CENPF: variants seen among roughly 807,000 people sequenced by gnomAD.
CENPF encodes AH antigen.
CENPF carries 214 observed loss-of-function variants against 307.3 expected under a neutral mutation model. The observed-to-expected ratio is 0.70, with a 90% CI of 0.62 to 0.78. CENPF has a LOEUF of 0.78. Ranked by LOEUF, CENPF falls within the 30% of genes least tolerant of loss-of-function variation. The pLI, the probability that CENPF is intolerant of heterozygous loss-of-function variation, is 0.00. For synonymous variants in CENPF, 1,259 were observed against 1,270.6 expected, an observed-to-expected ratio of 0.99 and a Z score of 0.19; for missense variants, 3,401 against 3,483.9, an observed-to-expected ratio of 0.98 and a Z score of 0.60.
At position 214,646,014 on chromosome 1, in the gene CENPF, G is replaced by C. The variant is rs915179724; in HGVS notation, c.6444G>C (p.Glu2148Asp). 1 of 1,614,070 alleles carries C rather than the reference G, an allele frequency of 6.2e-7. No homozygotes were observed. Among genetic ancestry groups the C allele is most frequent in the African/African-American group, 1.3e-5 (1 of 75,050 alleles). The stretch of plus-strand genomic sequence containing the variant: ...AGAAACTGAAAGAACGCGAGCGGGA[G>C]AATGATTCACTTAAGGATAAAGTTG... ...IAEKLKERER[E>D]NDSLKDKVEN... Residue 2148 changes from glutamate (E) to aspartate (D), a missense_variant, in exon 13 of 20, where the codon GAG (glutamate) becomes GAC (aspartate). Glu to Asp is a conservative substitution (Grantham distance 45, BLOSUM62 2). Coordinates refer to ENST00000366955, the MANE Select transcript of CENPF (RefSeq NM_016343.4).
Position 214,642,109 on chromosome 1 carries a change from A to C in CENPF, c.3771A>C (p.Glu1257Asp). The change falls in exon 12 of 20, where the codon GAA becomes GAC. Residue 1257 changes from glutamate to aspartate, a missense_variant. Glu to Asp is a conservative substitution (Grantham distance 45, BLOSUM62 2). Coordinates refer to ENST00000366955, the MANE Select transcript of CENPF (RefSeq NM_016343.4). ...TSNLQDMQSQ[E>D]ISGLKDCEID... ...ATTTGCAAGACATGCAGTCACAAGA[A>C]ATTAGTGGCCTTAAAGACTGTGAAA... 6.2e-7 allele frequency: 1 copy of C among 1,612,484 alleles called. No individual in the cohort carries two copies. Among genetic ancestry groups the C allele is most frequent in the East Asian group, 2.2e-5 (1 of 44,870 alleles).
At chr1:214,620,988 G>A in intron 6 of CENPF, 42 bp downstream of exon 6, 1 of 1,540,356 alleles carries the variant, frequency 6.5e-7, no homozygotes, top group Non-Finnish European at 8.8e-7. Flanking sequence ...CTTTGCTTGA[G>A]GTAATTTCAC....
chr1:214,608,752 G>A, intron 1 of CENPF: 26 of 1,599,392 alleles, frequency 1.6e-5, no homozygotes, highest in Non-Finnish European at 2.1e-5. Context: ...GGCCTCCGGC[G>A]GCAGGAAGGC....
chr1:214,606,467 C>T (rs867801810), intron 1 of CENPF, among the ~76,000 whole-genome samples: 4 of 152,308 alleles, frequency 2.6e-5, no homozygotes, highest in East Asian at 3.9e-4. Flanking sequence ...CCTTCCTGCC[C>T]GGGTTAGAAA....
intron 19 of CENPF, among the ~76,000 whole-genome samples, chr1:214,663,299 A>G (rs1357432905): frequency 6.6e-6 from 1 of 152,204 alleles, no homozygotes; most frequent in Admixed American, 6.5e-5. Context: ...CTGGATGTGT[A>G]CCATGTGGTC....
In CENPF at chr1:214,630,698, C is replaced by A. The variant is rs2292379; in HGVS notation, c.1323+36C>A. On this transcript the variant is annotated intron_variant, in intron 9 of 19. Coordinates refer to ENST00000366955, the MANE Select transcript of CENPF (RefSeq NM_016343.4). ...TGTCTCTCTCTCTCTCCTTAATCATCCCCTCTTGTTCCTTGTACTTGTTAC... is the reference window on the plus strand; with the variant it reads ...TGTCTCTCTCTCTCTCCTTAATCATACCCTCTTGTTCCTTGTACTTGTTAC... 77,653 of 1,610,472 alleles carry A rather than the reference C, an allele frequency of 0.048. 2,680 individuals are homozygous for A. The highest frequency in any genetic ancestry group is 0.13 in the Admixed American group (7,755 of 59,762).
chr1:214,628,999 A>G lies in CENPF; in HGVS notation c.1069-47A>G, dbSNP rs911998104. The stretch of plus-strand genomic sequence containing the variant: ...TAAAACACAAAATATTTGTTCATTT[A>G]TGTGAGTAATATTTATTTTGTCTTG... On this transcript the variant is annotated intron_variant, in intron 7 of 19. Coordinates refer to ENST00000366955, the MANE Select transcript of CENPF (RefSeq NM_016343.4). 13 of 1,387,602 alleles carry G rather than the reference A, an allele frequency of 9.4e-6. 1 individual carries two copies. The highest frequency in any genetic ancestry group is 1.3e-5 in the Non-Finnish European group (13 of 1,022,124). 86.0% of individuals were successfully genotyped at this position (1,387,602 alleles called of 1,614,324 possible). A position where few individuals can be genotyped will look rare whatever the true frequency, so the allele number is the denominator to read the frequency against.
intron 7 of CENPF, among the ~76,000 whole-genome samples, chr1:214,623,377 A>G: frequency 6.6e-6 from 1 of 152,202 alleles, no homozygotes; most frequent in African/African-American, 2.4e-5. Context: ...TGCATAGGTT[A>G]TGTGCAAACA....
At position 214,651,905 on chromosome 1, in the gene CENPF, T is replaced by A; in HGVS notation, c.8160+19T>A. On this transcript the variant is annotated intron_variant, in intron 15 of 19. Transcript: ENST00000366955. ...CAAACAGGTGAAATGTGGGGTTTGG[T>A]TACTGGGGGAGCTGGAGAGTGTATT... 6.3e-7 allele frequency: 1 copy of A among 1,579,666 alleles called. No individual in the cohort carries two copies. Among genetic ancestry groups the A allele is most frequent in the Non-Finnish European group, 8.6e-7 (1 of 1,168,262 alleles).
chr1:214,631,147 T>A (rs1657797236), intron 9 of CENPF, among the ~76,000 whole-genome samples: 1 of 152,248 alleles, frequency 6.6e-6, no homozygotes, highest in Admixed American at 6.5e-5. Context: ...AGGCACTTCA[T>A]AGTAACATGC....
chr1:214,627,621 C>G (rs1571705409), intron 7 of CENPF, among the ~76,000 whole-genome samples: 1 of 151,938 alleles, frequency 6.6e-6, no homozygotes, highest in African/African-American at 2.4e-5. Context: ...GGTGATCCGC[C>G]CAACTTGGCC....
intron 18 of CENPF, 99 bp from the exon 19 acceptor site, chr1:214,658,751 A>G (rs1380602628): frequency 8.4e-7 from 1 of 1,185,844 alleles, no homozygotes; most frequent in African/African-American, 1.5e-5. Flanking sequence ...TATTTTTTGG[A>G]GTTTGCATTA....
At chr1:214,615,775 C>A (rs1657319941) in intron 3 of CENPF, among the ~76,000 whole-genome samples, 2 of 152,074 alleles carry the variant, frequency 1.3e-5, no homozygotes, top group African/African-American at 2.4e-5. Flanking sequence ...CCCCTCTCTA[C>A]TAAAAATACA....
chr1:214,636,497 G>T (rs1657970645), intron 10 of CENPF, among the ~76,000 whole-genome samples: 1 of 152,106 alleles, frequency 6.6e-6, no homozygotes, highest in Non-Finnish European at 1.5e-5. Flanking sequence ...ACTACAACAG[G>T]TTCTGTCTTA....
At chr1:214,625,689 A>T (rs922628523) in intron 7 of CENPF, among the ~76,000 whole-genome samples, 4 of 150,892 alleles carry the variant, frequency 2.7e-5, no homozygotes, top group East Asian at 3.9e-4. Flanking sequence ...AACATTTTTT[A>T]AAAATCCATT....
rs780360553 is a variant in CENPF at position 214,646,570 on chromosome 1, C to T, written c.7000C>T (p.Leu2334Phe). Residue 2334 changes from leucine (L) to phenylalanine (F), a missense_variant, in exon 13 of 20, where the codon CTT becomes TTT. Physicochemically the swap from Leu to Phe is conservative, Grantham distance 22. Transcript: ENST00000366955. Reference protein sequence around the residue: ...LKESEHHADLLKGRVENLERE... With the variant: ...LKESEHHADLFKGRVENLERE... ...GGAAAGTGAGCATCATGCAGATTTA[C>T]TTAAGGGTAGAGTGGAGAACCTTGA... 13 of 1,613,952 alleles carry T rather than the reference C, an allele frequency of 8.1e-6. No individual in the cohort carries two copies. The Middle Eastern group carries it at 4.9e-4, about 61-fold the overall frequency.
At chr1:214,644,405 AAGAG>A in intron 12 of CENPF, 148 bp from the exon 13 acceptor site, 1 of 698,548 alleles carries the variant, frequency 1.4e-6, no homozygotes, top group Non-Finnish European at 2.2e-6. Context: ...CATTTGAATG[AAGAG>A]AGAAAGATGT....
At chr1:214,628,869 A>G (rs1003278023) in intron 7 of CENPF, among the ~76,000 whole-genome samples, 177 bp from the exon 8 acceptor site, 12 of 152,108 alleles carry the variant, frequency 7.9e-5, no homozygotes, top group Admixed American at 7.2e-4. Flanking sequence ...CTTTTTTTTC[A>G]TGGCACAAAT....
At chr1:214,612,284 C>A (rs1379690370) in intron 1 of CENPF, among the ~76,000 whole-genome samples, 1 of 152,020 alleles carries the variant, frequency 6.6e-6, no homozygotes, top group South Asian at 2.1e-4. Flanking sequence ...TATTGATTTG[C>A]GTATGTTGAA....
Sources: gnomAD v4.1 joint callset for allele counts (sites outside exome capture counted in the v4.1 genomes callset) on GRCh38, gnomAD v4.1.1 for gene constraint, MANE v1.5 for transcripts, NCBI Gene and HGNC (gene_info 2026-07-23, HGNC 2026-07-21) for gene names.